Variants in CLHC1 observed in about 807,000 individuals in gnomAD.
CLHC1 encodes the protein clathrin heavy chain linker domain-containing protein 1.
A neutral mutation model predicts 69.5 loss-of-function variants in CLHC1; 72 were observed. The observed-to-expected ratio is 1.04, with a 90% CI of 0.86 to 1.26. The LOEUF (loss-of-function observed/expected upper bound fraction) is 1.26, where lower values mean the gene tolerates loss of function less well. CLHC1 is among the 50% of genes most tolerant of loss of function. CLHC1 has a pLI of 0.00. For synonymous variants in CLHC1, 223 were observed against 224.3 expected (o/e 0.99, Z 0.05); for missense variants, 790 against 679.3 (o/e 1.16, Z -1.81).
At chr2:55,204,221 T>C (rs761236117) in intron 9 of CLHC1, among the ~76,000 whole-genome samples, 2 of 151,812 alleles carry the variant, frequency 1.3e-5, no homozygotes, top group Non-Finnish European at 2.9e-5. Flanking sequence ...GAGGCGGAGG[T>C]TGTGGTGAGC....
In CLHC1 at chr2:55,175,111, A is replaced by T. The variant is rs1669268777; in HGVS notation, c.*679T>A. 6.6e-6 allele frequency: 1 copy of T among 152,166 alleles called. No individual in the cohort carries two copies. The highest frequency in any genetic ancestry group is 2.1e-4 in the South Asian group (1 of 4,826). The allele number at this position is 152,166 out of a possible 1,614,324, so 9.4% of individuals were successfully genotyped here. On this transcript the variant is annotated 3_prime_UTR_variant, in exon 13 of 13. Coordinates refer to ENST00000401408, the MANE Select transcript of CLHC1 (RefSeq NM_152385.4). Reference sequence around the variant, plus strand: ...GAACTTTCAGAGTTTTCAATCAAATACTTATTCAGACACTTGAAATAATCC... The same window carrying T: ...GAACTTTCAGAGTTTTCAATCAAATTCTTATTCAGACACTTGAAATAATCC...
At chr2:55,204,073 T>A (rs2103892314) in intron 9 of CLHC1, among the ~76,000 whole-genome samples, 1 of 152,194 alleles carries the variant, frequency 6.6e-6, no homozygotes, top group South Asian at 2.1e-4. Flanking sequence ...TCACCTAAGG[T>A]CAGGAGTTAG....
chr2:55,230,733 G>T (rs1392780362), intron 1 of CLHC1, among the ~76,000 whole-genome samples: 2 of 152,112 alleles, frequency 1.3e-5, no homozygotes, highest in African/African-American at 4.8e-5. Context: ...ATGAGCAACT[G>T]TGTCAAATAC....
chr2:55,222,672 C>A (rs1329842491), intron 2 of CLHC1, among the ~76,000 whole-genome samples, 179 bp from the exon 3 acceptor site: 1 of 152,074 alleles, frequency 6.6e-6, no homozygotes, highest in Non-Finnish European at 1.5e-5. Flanking sequence ...GTAATCCCAG[C>A]TCTTTGGGAG....
intron 9 of CLHC1, among the ~76,000 whole-genome samples, chr2:55,200,255 A>G (rs1671821039): frequency 8.5e-6 from 1 of 118,034 alleles, no homozygotes; most frequent in African/African-American, 3.3e-5. Flanking sequence ...ACAGTGGCTG[A>G]GTAGATAAAA....
At chr2:55,209,166 C>T (rs1166311454) in intron 7 of CLHC1, among the ~76,000 whole-genome samples, 1 of 152,132 alleles carries the variant, frequency 6.6e-6, no homozygotes, top group Non-Finnish European at 1.5e-5. Context: ...AGCCACCGTG[C>T]CCGGCCTCCT....
rs776227580 is a variant in CLHC1, at chr2:55,209,437, C to G, written c.781G>C (p.Val261Leu). 2 of 1,608,504 alleles carry G rather than the reference C, an allele frequency of 1.2e-6. No homozygotes were observed. The highest frequency in any genetic ancestry group is 2.2e-5 in the South Asian group (2 of 89,456). The change falls in exon 7 of 13, where the codon GTG becomes CTG. Residue 261 changes from valine to leucine, a missense_variant. Transcript: ENST00000401408. ...TATTTGGTTTTCTGAATTTGCTCCA[C>G]AAAGTCTTGAAATGGGCTGCTCATA... ...SDMSSPFQDF[V>L]EQIQKTKYLQ...
At chr2:55,226,384 CG>C (rs1407436342) in intron 2 of CLHC1, among the ~76,000 whole-genome samples, 4 of 151,940 alleles carry the variant, frequency 2.6e-5, no homozygotes, top group African/African-American at 9.7e-5. Flanking sequence ...GTATAAAATT[CG>C]GAAAATATAA....
intron 9 of CLHC1, among the ~76,000 whole-genome samples, chr2:55,201,181 A>G (rs1055423831): frequency 3.9e-5 from 6 of 152,010 alleles, no homozygotes; most frequent in African/African-American, 1.4e-4. Flanking sequence ...AACAATGAAG[A>G]TCAGAGCAGA....
intron 9 of CLHC1, among the ~76,000 whole-genome samples, chr2:55,191,264 C>T (rs936573559): frequency 5.9e-5 from 9 of 152,100 alleles, no homozygotes; most frequent in African/African-American, 1.7e-4. Context: ...TTTTTGCAGA[C>T]GGAGTCTCTC....
intron 9 of CLHC1, among the ~76,000 whole-genome samples, chr2:55,199,427 G>T (rs760761433): frequency 6.6e-6 from 1 of 151,772 alleles, no homozygotes; most frequent in Non-Finnish European, 1.5e-5. Context: ...CACAAAAAAG[G>T]CAGTATTATA....
At chr2:55,197,093 G>C (rs79969442) in intron 9 of CLHC1, among the ~76,000 whole-genome samples, 2 of 152,042 alleles carry the variant, frequency 1.3e-5, no homozygotes, top group African/African-American at 4.8e-5. Flanking sequence ...AGTGCTATCC[G>C]TAGGGAGAGA....
intron 3 of CLHC1, chr2:55,218,419 A>G (rs894541710): frequency 6.6e-6 from 1 of 152,386 alleles, no homozygotes; most frequent in African/African-American, 2.4e-5. Flanking sequence ...TCACCTCCTT[A>G]TTTTTCTAAC....
intron 7 of CLHC1, among the ~76,000 whole-genome samples, 155 bp from the exon 8 acceptor site, chr2:55,208,865 C>CCTTTTTTTTTTTTTTTTTTTT (rs1553353361): frequency 1.1e-5 from 1 of 90,820 alleles, no homozygotes; most frequent in Non-Finnish European, 2.2e-5. Flanking sequence ...TCCCTTTCCT[C>CCTTTTTTTTTTTTTTTTTTTT]TTTTTTTTTT....
At chr2:55,187,048 C>T (rs969088679) in intron 9 of CLHC1, among the ~76,000 whole-genome samples, 19 of 151,366 alleles carry the variant, frequency 1.3e-4, no homozygotes, top group Non-Finnish European at 2.8e-4. Context: ...AGGTGGATCA[C>T]CTGAGGTCAG....
At chr2:55,181,790 G>C in intron 9 of CLHC1, 46 bp from the exon 10 acceptor site, 2 of 1,509,328 alleles carry the variant, frequency 1.3e-6, no homozygotes, top group Middle Eastern at 1.7e-4. Context: ...TTAAGAAATA[G>C]TTTGCTTTTT....
rs1393923670 is a variant in CLHC1 at position 55,209,519 on chromosome 2, A to G, written c.702-3T>C. 3 of 1,595,370 alleles carry G rather than the reference A, an allele frequency of 1.9e-6. No homozygotes were observed. The highest frequency in any genetic ancestry group is 2.6e-6 in the Non-Finnish European group (3 of 1,168,086). On this transcript the variant is annotated splice_polypyrimidine_tract_variant and splice_region_variant and intron_variant, in intron 6 of 12. Transcript: ENST00000401408. ...AAATTATCTGCAGTCTTTGATGACT[A>G]AAAAGATAAAAAACGTCAATAACAC...
intron 11 of CLHC1, 67 bp from the exon 12 acceptor site, chr2:55,177,848 T>C (rs1669549690): frequency 8.5e-7 from 1 of 1,176,932 alleles, no homozygotes; most frequent in Non-Finnish European, 1.2e-6. Context: ...AAACTAGGAC[T>C]AGCTAATGTC....
Position 55,205,437 on chromosome 2 carries a change from A to G in CLHC1, c.1006+833T>C, listed in dbSNP as rs113307899. Among the ~76,000 whole-genome samples, 1,299 of 152,090 alleles carry G rather than the reference A, an allele frequency of 8.5e-3. 24 individuals are homozygous for G. Among genetic ancestry groups the G allele is most frequent in the African/African-American group, 0.03 (1,233 of 41,460 alleles). ...CACACACACACGCACACACACACAC[A>G]CACCACAGAATACTACTCAGCCATA... On this transcript the variant is annotated intron_variant, in intron 9 of 12. Transcript: ENST00000401408.
Sources: gnomAD v4.1 joint callset for allele counts (sites outside exome capture counted in the v4.1 genomes callset) on GRCh38, gnomAD v4.1.1 for gene constraint, MANE v1.5 for transcripts, NCBI Gene and HGNC (gene_info 2026-07-23, HGNC 2026-07-21) for gene names.